The following DPP6 variants were observed in gnomAD, a reference collection of about 807,000 sequenced individuals.
DPP6 encodes dipeptidyl peptidase like 6.
DPP6 carries 69 observed loss-of-function variants against 122.6 expected under a neutral mutation model. That is an observed-to-expected ratio of 0.56 (90% CI 0.46 to 0.69). The LOEUF (loss-of-function observed/expected upper bound fraction) is 0.69, where lower values mean the gene tolerates loss of function less well. Ranked by LOEUF, DPP6 falls within the 30% of genes least tolerant of loss-of-function variation. DPP6 has a pLI of 0.00. For synonymous variants in DPP6, 418 were observed against 433.1 expected (o/e 0.97, Z 0.43); for missense variants, 928 against 1,116.9 (o/e 0.83, Z 2.41).
At chr7:153,980,043 G>T (rs1024964930) in intron 1 of DPP6, among the ~76,000 whole-genome samples, 2 of 152,120 alleles carry the variant, frequency 1.3e-5, no homozygotes, top group Non-Finnish European at 2.9e-5. Context: ...TTGGTATCAG[G>T]ATGATGCTGG....
the DPP6 span, among the ~76,000 whole-genome samples, chr7:153,752,274 C>A: frequency 6.8e-6 from 1 of 146,960 alleles, no homozygotes; most frequent in East Asian, 2.0e-4. Context: ...TTTTTGAGAC[C>A]GAGTCTCGCT....
intron 1 of DPP6, among the ~76,000 whole-genome samples, chr7:154,136,019 A>C (rs1795539259): frequency 6.6e-6 from 1 of 151,812 alleles, no homozygotes; most frequent in Non-Finnish European, 1.5e-5. Context: ...CTGCACAATC[A>C]CTCTTGCTCT....
chr7:154,629,600 C>A (rs1835289323), intron 5 of DPP6, among the ~76,000 whole-genome samples: 1 of 152,190 alleles, frequency 6.6e-6, no homozygotes, highest in Admixed American at 6.5e-5. Flanking sequence ...CTCATCTACA[C>A]CTCCTGTTAT....
chr7:154,363,557 A>T (rs1201443919), intron 1 of DPP6, among the ~76,000 whole-genome samples: 5 of 152,096 alleles, frequency 3.3e-5, no homozygotes, highest in Admixed American at 3.3e-4. Context: ...AGGCTAGGGG[A>T]GCTGTCTGTG....
chr7:154,422,656 AGGTGGATGGGTG>A (rs139886751), intron 1 of DPP6, among the ~76,000 whole-genome samples: 89,751 of 139,538 alleles, frequency 0.64, 30,713 homozygotes, highest in South Asian at 0.77. Context: ...GTGAATGGGT[AGGTGGATGGGTG>A]GGTGGATGGG....
chr7:154,314,661 C>T (rs559138896), intron 1 of DPP6, among the ~76,000 whole-genome samples: 4 of 152,310 alleles, frequency 2.6e-5, no homozygotes, highest in Middle Eastern at 3.4e-3. Flanking sequence ...TCTAATCTTG[C>T]ACAGGAGTAA....
chr7:154,173,776 G>A (rs1294268174), intron 1 of DPP6, among the ~76,000 whole-genome samples: 6 of 152,158 alleles, frequency 3.9e-5, no homozygotes, highest in Admixed American at 1.3e-4. Context: ...ACCAAGGAAC[G>A]ACCACTCAGG....
At chr7:153,932,338 C>T (rs1409537059) in intron 1 of DPP6, among the ~76,000 whole-genome samples, 1 of 151,960 alleles carries the variant, frequency 6.6e-6, no homozygotes, top group Non-Finnish European at 1.5e-5. Context: ...CCAGGGTGGT[C>T]CCAAACTCCT....
At chr7:154,255,495 C>T (rs1042577594) in intron 1 of DPP6, among the ~76,000 whole-genome samples, 5 of 152,050 alleles carry the variant, frequency 3.3e-5, no homozygotes, top group South Asian at 2.1e-4. Flanking sequence ...TTGAATTCTG[C>T]GGTGCGGGAA....
chr7:154,749,517 G>T (rs201277128), intron 8 of DPP6, among the ~76,000 whole-genome samples: 503 of 72,008 alleles, frequency 7.0e-3, no homozygotes, highest in Middle Eastern at 0.011. Flanking sequence ...TACTGAGAGA[G>T]GGTGAGAGAG....
chr7:154,544,534 C>G (rs1283936611), intron 4 of DPP6, among the ~76,000 whole-genome samples: 1 of 152,134 alleles, frequency 6.6e-6, no homozygotes, highest in Non-Finnish European at 1.5e-5. Flanking sequence ...TCTAGAATAA[C>G]AAAACAATAG....
intron 16 of DPP6, among the ~76,000 whole-genome samples, chr7:154,837,367 G>T (rs567889002): frequency 6.6e-6 from 1 of 151,944 alleles, no homozygotes; most frequent in South Asian, 2.1e-4. Flanking sequence ...CATGCATACA[G>T]GCACATTCAC....
intron 1 of DPP6, among the ~76,000 whole-genome samples, chr7:154,275,884 C>T (rs1804095462): frequency 6.6e-6 from 1 of 152,258 alleles, no homozygotes; most frequent in Admixed American, 6.5e-5. Flanking sequence ...CCACTCTTTC[C>T]TTCCCACTGC....
At chr7:154,771,933 AC>A (rs1796272111) in intron 9 of DPP6, among the ~76,000 whole-genome samples, 1 of 151,928 alleles carries the variant, frequency 6.6e-6, no homozygotes, top group South Asian at 2.1e-4. Context: ...CAGCCACCCC[AC>A]CCGCCAGAAG....
chr7:154,425,625 T>TGG (rs1563648819), intron 1 of DPP6, among the ~76,000 whole-genome samples: 2 of 115,800 alleles, frequency 1.7e-5, no homozygotes, highest in East Asian at 3.4e-4. Flanking sequence ...TGTGTGGGTG[T>TGG]GTGTGTGTGT....
intron 21 of DPP6, among the ~76,000 whole-genome samples, chr7:154,883,138 T>C (rs1805556775): frequency 7.2e-6 from 1 of 139,700 alleles, no homozygotes; most frequent in South Asian, 2.4e-4. Context: ...TACACACACA[T>C]GCTCACCCAT....
intron 5 of DPP6, among the ~76,000 whole-genome samples, chr7:154,610,722 T>C (rs1292815064): frequency 2.9e-4 from 12 of 41,010 alleles, no homozygotes; most frequent in Non-Finnish European, 2.7e-4. Flanking sequence ...TGTGTGTGTG[T>C]GTGTGTGTGT....
the DPP6 span, among the ~76,000 whole-genome samples, chr7:153,794,280 G>T: frequency 6.6e-6 from 1 of 152,252 alleles, no homozygotes; most frequent in Non-Finnish European, 1.5e-5. Context: ...AGCGACAGGA[G>T]TGGAGCTGCC....
the DPP6 span, among the ~76,000 whole-genome samples, chr7:153,874,367 C>T: frequency 1.1e-4 from 17 of 152,000 alleles, 1 homozygote; most frequent in Admixed American, 9.8e-4. Flanking sequence ...TCATAAAATA[C>T]AGAGTTATTA....
Sources: allele counts gnomAD v4.1 joint callset (sites outside exome capture counted in the v4.1 genomes callset), GRCh38; gene constraint gnomAD v4.1.1; transcripts MANE v1.5; gene names NCBI Gene and HGNC (gene_info 2026-07-23, HGNC 2026-07-21).